The following EHHADH variants were observed in gnomAD, a reference collection of about 807,000 sequenced individuals.
The protein encoded by EHHADH is peroxisomal bifunctional enzyme.
Under a neutral mutation model 64.4 loss-of-function variants are expected in EHHADH, and 48 were observed. The observed-to-expected ratio is 0.75, with a 90% CI of 0.59 to 0.95. EHHADH has a LOEUF of 0.95. Ranked by LOEUF, EHHADH falls within the 40% of genes least tolerant of loss-of-function variation. The pLI, the probability that EHHADH is intolerant of heterozygous loss-of-function variation, is 0.00. For missense variants in EHHADH, 854 were observed against 876.6 expected (o/e 0.97, Z 0.33); for synonymous variants, 308 against 326.7 (o/e 0.94, Z 0.62).
At position 185,204,679 on chromosome 3, in the gene EHHADH, G is replaced by A. The variant is rs1226363015; in HGVS notation, c.647C>T (p.Ala216Val). ...GTGCTGCCTCCGCATCTTCAAGAGG[G>A]CCTCACTAAAAATGCTGTCCATGTT... ...LPNMDSIFSE[A>V]LLKMRRQHPG... The change falls in exon 6 of 7, where the codon GCC (alanine) becomes GTC (valine). Residue 216 changes from alanine (A) to valine (V), a missense_variant. Ala to Val is a moderately conservative substitution (Grantham distance 64). Coordinates refer to ENST00000231887, the MANE Select transcript of EHHADH (RefSeq NM_001966.4). 1 of 1,614,192 alleles carries A rather than the reference G, an allele frequency of 6.2e-7. No individual in the cohort carries two copies. Among genetic ancestry groups the A allele is most frequent in the Non-Finnish European group, 8.5e-7 (1 of 1,180,022 alleles).
chr3:185,245,033 G>A (rs1719557461), intron 2 of EHHADH, among the ~76,000 whole-genome samples: 1 of 152,112 alleles, frequency 6.6e-6, no homozygotes, highest in African/African-American at 2.4e-5. Flanking sequence ...GTATTTACTT[G>A]GTGAGATTTC....
chr3:185,204,797 C>T (rs940371902), intron 5 of EHHADH, 40 bp from the exon 6 acceptor site: 1 of 1,504,016 alleles, frequency 6.6e-7, no homozygotes, highest in Non-Finnish European at 9.0e-7. Flanking sequence ...GGAAATGTTA[C>T]TTGTACAAAG....
At chr3:185,202,776 T>C (rs1718265051) in intron 6 of EHHADH, among the ~76,000 whole-genome samples, 2 of 152,012 alleles carry the variant, frequency 1.3e-5, no homozygotes, top group South Asian at 4.2e-4. Flanking sequence ...AAAACCATCA[T>C]CCCCCAATCC....
chr3:185,228,257 A>AAAAAAAAATATATATAT (rs1367786172), intron 4 of EHHADH, among the ~76,000 whole-genome samples: 4 of 22,006 alleles, frequency 1.8e-4, no homozygotes, highest in South Asian at 1.6e-3. Context: ...AAAAAAAAAA[A>AAAAAAAAATATATATAT]ATATATATAT....
intron 5 of EHHADH, among the ~76,000 whole-genome samples, chr3:185,213,354 G>T (rs963780898): frequency 2.0e-5 from 3 of 151,974 alleles, no homozygotes; most frequent in African/African-American, 7.3e-5. Context: ...AATGAGTGGG[G>T]CCCTGCTAAC....
intron 1 of EHHADH, among the ~76,000 whole-genome samples, chr3:185,252,616 C>T (rs915530978): frequency 9.9e-5 from 15 of 151,988 alleles, no homozygotes; most frequent in Non-Finnish European, 2.1e-4. Context: ...GCTTTTTATT[C>T]TGGGAATGGC....
chr3:185,217,956 G>C (rs1033873546), intron 5 of EHHADH, among the ~76,000 whole-genome samples, 180 bp downstream of exon 5: 2 of 151,522 alleles, frequency 1.3e-5, no homozygotes, highest in African/African-American at 2.4e-5. Context: ...TAGTAGACAC[G>C]GGGTTTCACC....
At chr3:185,252,215 C>T (rs937967174) in intron 1 of EHHADH, among the ~76,000 whole-genome samples, 2 of 152,112 alleles carry the variant, frequency 1.3e-5, no homozygotes, top group African/African-American at 2.4e-5. Flanking sequence ...TCCTGGCCAA[C>T]ATGGTGAAAC....
At chr3:185,223,172 C>T (rs1718881225) in intron 4 of EHHADH, among the ~76,000 whole-genome samples, 1 of 152,138 alleles carries the variant, frequency 6.6e-6, no homozygotes, top group Non-Finnish European at 1.5e-5. Context: ...TCCATGTCTG[C>T]TATCTTCATT....
intron 5 of EHHADH, among the ~76,000 whole-genome samples, chr3:185,217,623 C>T (rs1376170508): frequency 6.6e-6 from 1 of 151,402 alleles, no homozygotes; most frequent in African/African-American, 2.4e-5. Flanking sequence ...GTGCCTATTC[C>T]TGCTTCACGT....
chr3:185,218,760 C>T (rs556178079), intron 4 of EHHADH, among the ~76,000 whole-genome samples: 74 of 151,828 alleles, frequency 4.9e-4, no homozygotes, highest in East Asian at 7.7e-4. Flanking sequence ...CGGTGGCTCA[C>T]GCCTGTAATC....
intron 6 of EHHADH, among the ~76,000 whole-genome samples, chr3:185,199,904 C>G (rs1394212905): frequency 6.6e-6 from 1 of 152,142 alleles, no homozygotes; most frequent in Non-Finnish European, 1.5e-5. Context: ...GCCACCATGC[C>G]CGGCTCTATG....
At position 185,218,326 on chromosome 3, in the gene EHHADH, G is replaced by C. The variant is rs1319092924; in HGVS notation, c.464-86C>G. On this transcript the variant is annotated intron_variant, in intron 4 of 6. Coordinates refer to ENST00000231887, the MANE Select transcript of EHHADH (RefSeq NM_001966.4). ...AGCATTACTCTCTCTAGTAGGAAAG[G>C]CTGTCTGTCTGGATATAAATATCTA... 3 of 836,340 alleles carry C rather than the reference G, an allele frequency of 3.6e-6. No individual in the cohort carries two copies. The Admixed American group carries it at 6.7e-5, about 19-fold the overall frequency. The allele number at this position is 836,340 out of a possible 1,614,324, so 51.8% of individuals were successfully genotyped here. A position where few individuals can be genotyped will look rare whatever the true frequency, so the allele number is the denominator to read the frequency against.
At chr3:185,202,617 T>C (rs1718260454) in intron 6 of EHHADH, among the ~76,000 whole-genome samples, 1 of 152,184 alleles carries the variant, frequency 6.6e-6, no homozygotes, top group Non-Finnish European at 1.5e-5. Flanking sequence ...ATTTCAGCCT[T>C]GACCTCCGCC....
intron 2 of EHHADH, chr3:185,245,345 A>G (rs905967872): frequency 7.8e-6 from 3 of 386,522 alleles, no homozygotes; most frequent in African/African-American, 2.1e-5. Context: ...GCCACTAGCC[A>G]AAGAACTTGG....
chr3:185,245,480 G>A (rs1719570034), intron 2 of EHHADH: 2 of 1,021,764 alleles, frequency 2.0e-6, no homozygotes, highest in Non-Finnish European at 2.9e-6. Flanking sequence ...TTGGCACAGG[G>A]CTGTGCTCGC....
At chr3:185,240,700 T>C (rs1356084568) in intron 2 of EHHADH, among the ~76,000 whole-genome samples, 1 of 152,118 alleles carries the variant, frequency 6.6e-6, no homozygotes, top group Non-Finnish European at 1.5e-5. Context: ...AATTTTTCTC[T>C]TTTCAAAGAA....
intron 1 of EHHADH, among the ~76,000 whole-genome samples, chr3:185,250,003 A>G (rs1719702869): frequency 6.6e-6 from 1 of 152,242 alleles, no homozygotes; most frequent in South Asian, 2.1e-4. Context: ...ATCAGGAGGT[A>G]GAAGCTATGT....
At position 185,211,178 on chromosome 3, in the gene EHHADH, C is replaced by A. The variant is rs370671048; in HGVS notation, c.569-6421G>T. Among the ~76,000 whole-genome samples the A allele has an allele frequency of 3.9e-5, 6 of 152,120 alleles. No homozygotes were observed. In the East Asian group the frequency reaches 5.8e-4, roughly 15 times the overall value. On this transcript the variant is annotated intron_variant, in intron 5 of 6. Coordinates refer to ENST00000231887, the MANE Select transcript of EHHADH (RefSeq NM_001966.4). ...TTGGGTGTATAAGTACAGTTGTTTT[C>A]AAAGTGTATTTCTTGTATACTTGGT...
Sources: allele counts gnomAD v4.1 joint callset (sites outside exome capture counted in the v4.1 genomes callset), GRCh38; gene constraint gnomAD v4.1.1; transcripts MANE v1.5; gene names NCBI Gene and HGNC (gene_info 2026-07-23, HGNC 2026-07-21).